Variants in ZNF827 observed in about 807,000 individuals in gnomAD.
ZNF827 encodes the protein zinc finger protein 827.
ZNF827 carries 13 observed loss-of-function variants against 102.4 expected under a neutral mutation model. The observed-to-expected ratio is 0.13, with a 90% confidence interval of 0.08 to 0.20. The LOEUF (loss-of-function observed/expected upper bound fraction) is 0.20, where lower values mean the gene tolerates loss of function less well. ZNF827 is among the 10% of genes least tolerant of loss of function. The probability of loss-of-function intolerance (pLI) is 1.00; values close to 1 mark genes in which losing one functional copy is unlikely to be tolerated. For synonymous variants in ZNF827, 523 were observed against 536.2 expected (o/e 0.98, Z 0.34); for missense variants, 1,103 against 1,344.4 (o/e 0.82, Z 2.81).
At chr4:145,803,096 T>G (rs531021779) in intron 8 of ZNF827, among the ~76,000 whole-genome samples, 2 of 152,204 alleles carry the variant, frequency 1.3e-5, no homozygotes, top group African/African-American at 4.8e-5. Flanking sequence ...CTGTCATCAC[T>G]TATCTACTTT....
intron 5 of ZNF827, among the ~76,000 whole-genome samples, chr4:145,854,111 AACT>A (rs1561001727): frequency 6.6e-6 from 1 of 151,902 alleles, no homozygotes; most frequent in Non-Finnish European, 1.5e-5. Flanking sequence ...TTATCTTCCA[AACT>A]AGGAGTTTGG....
intron 8 of ZNF827, among the ~76,000 whole-genome samples, chr4:145,782,296 G>GA (rs1738194643): frequency 1.3e-5 from 2 of 152,214 alleles, no homozygotes; most frequent in African/African-American, 4.8e-5. Flanking sequence ...GCAGTCGGGG[G>GA]AGGAGTATTA....
chr4:145,826,117 C>T (rs1279455709), intron 7 of ZNF827, among the ~76,000 whole-genome samples: 1 of 152,164 alleles, frequency 6.6e-6, no homozygotes, highest in African/African-American at 2.4e-5. Flanking sequence ...CCGTTCATGC[C>T]AGGAGATAGC....
intron 8 of ZNF827, among the ~76,000 whole-genome samples, chr4:145,788,503 A>G (rs373130292): frequency 2.6e-5 from 4 of 152,350 alleles, no homozygotes; most frequent in Non-Finnish European, 5.9e-5. Flanking sequence ...TCCATGTATG[A>G]AAAGTTGGAT....
At chr4:145,822,899 C>T (rs1158474023) in intron 8 of ZNF827, among the ~76,000 whole-genome samples, 1 of 152,140 alleles carries the variant, frequency 6.6e-6, no homozygotes, top group Non-Finnish European at 1.5e-5. Flanking sequence ...GATGGCAAAA[C>T]AGAGCACTGG....
In ZNF827 at chr4:145,765,267, G is replaced by A. The variant is rs142538189; in HGVS notation, c.3053-102C>T. 2.7e-5 allele frequency: 34 copies of A among 1,282,530 alleles called. No individual in the cohort carries two copies. The African/African-American group carries it at 3.4e-4, about 13-fold the overall frequency. The allele number at this position is 1,282,530 out of a possible 1,614,324, so 79.4% of individuals were successfully genotyped here. On this transcript the variant is annotated intron_variant, in intron 12 of 14. Transcript: ENST00000508784. The surrounding 1 kb of genome is among the most constrained non-coding windows in gnomAD (Gnocchi z 4.7). The stretch of plus-strand genomic sequence containing the variant: ...CCCACTTCCTCCCGCCTCCTCCGAC[G>A]CCTGACAGCTATACCCTTCCAGGCA...
chr4:145,812,425 A>G (rs1742111918), intron 8 of ZNF827, among the ~76,000 whole-genome samples: 2 of 152,144 alleles, frequency 1.3e-5, no homozygotes, highest in Non-Finnish European at 2.9e-5. Context: ...GTGGTTGGCA[A>G]TCAGCTCGGC....
intron 3 of ZNF827, among the ~76,000 whole-genome samples, chr4:145,891,399 C>G (rs187694701): frequency 8.5e-5 from 13 of 152,220 alleles, no homozygotes; most frequent in Non-Finnish European, 5.9e-5. Flanking sequence ...AGCCCATGCT[C>G]TTTTGATCCC....
At chr4:145,830,705 T>C (rs1321141070) in intron 7 of ZNF827, 1 of 152,240 alleles carries the variant, frequency 6.6e-6, no homozygotes, top group Non-Finnish European at 1.5e-5. Context: ...ATTTGAAATA[T>C]ATTAAGTGCT....
At chr4:145,823,579 C>T (rs2126494308) in intron 7 of ZNF827, 54 bp from the exon 8 acceptor site, 1 of 1,243,268 alleles carries the variant, frequency 8.0e-7, no homozygotes, top group East Asian at 2.3e-5. Flanking sequence ...TTTAAGACAC[C>T]CAGAGCACCT....
intron 7 of ZNF827, among the ~76,000 whole-genome samples, chr4:145,840,027 T>C (rs1278975463): frequency 6.6e-6 from 1 of 152,170 alleles, no homozygotes; most frequent in Admixed American, 6.5e-5. Flanking sequence ...CAAATATCTA[T>C]AGGACAATGG....
intron 9 of ZNF827, among the ~76,000 whole-genome samples, chr4:145,777,613 T>C (rs1560909025): frequency 6.6e-6 from 1 of 152,212 alleles, no homozygotes; most frequent in Non-Finnish European, 1.5e-5. Flanking sequence ...ATCTTCCACA[T>C]TGATGATTAG....
chr4:145,837,884 T>C (rs1033874997), intron 7 of ZNF827, among the ~76,000 whole-genome samples: 1 of 152,064 alleles, frequency 6.6e-6, no homozygotes, highest in African/African-American at 2.4e-5. Context: ...AGACCTCCCT[T>C]CAGCTTAATC....
intron 7 of ZNF827, among the ~76,000 whole-genome samples, chr4:145,834,433 G>T (rs1443610731): frequency 6.6e-6 from 1 of 152,028 alleles, no homozygotes; most frequent in Non-Finnish European, 1.5e-5. Flanking sequence ...TCTTCGCCAG[G>T]CCGAGCTAGG....
At position 145,833,647 on chromosome 4, in the gene ZNF827, C is replaced by T. The variant is rs570644989; in HGVS notation, c.2280-10122G>A. ...CAATCCCTTATTTCTGCACCCCAAC[C>T]TCTTATCTCTGTGCCCCAATCCCTT... On this transcript the variant is annotated intron_variant, in intron 7 of 14. Coordinates refer to ENST00000508784, the MANE Select transcript of ZNF827 (RefSeq NM_001306215.2). Among the ~76,000 whole-genome samples the T allele has an allele frequency of 6.6e-5, 10 of 152,248 alleles. No homozygotes were observed. In the East Asian group the frequency reaches 1.9e-3, roughly 29 times the overall value.
chr4:145,889,366 A>C (rs1386466395), intron 3 of ZNF827, among the ~76,000 whole-genome samples: 2 of 152,096 alleles, frequency 1.3e-5, no homozygotes, highest in African/African-American at 4.8e-5. Flanking sequence ...GCATTATCTC[A>C]TTTAACTCTC....
intron 3 of ZNF827, among the ~76,000 whole-genome samples, chr4:145,889,103 G>T (rs913583138): frequency 6.6e-6 from 1 of 152,110 alleles, no homozygotes; most frequent in Non-Finnish European, 1.5e-5. Context: ...TCTTGGTGAT[G>T]GGATTAAGGA....
At chr4:145,863,429 C>T (rs1747905714) in intron 5 of ZNF827, among the ~76,000 whole-genome samples, 1 of 152,126 alleles carries the variant, frequency 6.6e-6, no homozygotes, top group African/African-American at 2.4e-5. Flanking sequence ...AACCTAAGCC[C>T]ACACAAAAAC....
intron 1 of ZNF827, among the ~76,000 whole-genome samples, chr4:145,904,821 A>G (rs530000148): frequency 1.1e-4 from 17 of 152,356 alleles, no homozygotes; most frequent in African/African-American, 4.1e-4. Flanking sequence ...TGAATTTGGC[A>G]AAACTGGGTA....
Sources: allele counts gnomAD v4.1 joint callset (sites outside exome capture counted in the v4.1 genomes callset), GRCh38; gene constraint gnomAD v4.1.1; non-coding constraint Gnocchi (gnomAD v3.1); transcripts MANE v1.5; gene names NCBI Gene and HGNC (gene_info 2026-07-23, HGNC 2026-07-21).